The following SLC13A4 variants were observed in gnomAD, a reference collection of about 807,000 sequenced individuals.
The protein encoded by SLC13A4 is solute carrier family 13 member 4.
In SLC13A4, 28 loss-of-function variants were observed where a neutral mutation model predicts 72.7. The ratio of observed to expected loss-of-function variants is 0.39; its 90% CI spans 0.29 to 0.53. The LOEUF is 0.53. Among genes scored for constraint, SLC13A4 ranks in the 20% least tolerant of loss-of-function variants. SLC13A4 has a pLI of 0.78. For synonymous variants in SLC13A4, 312 were observed against 325.5 expected, an observed-to-expected ratio of 0.96 and a Z score of 0.45; for missense variants, 653 against 788.0, an observed-to-expected ratio of 0.83 and a Z score of 2.05.
At chr7:135,714,203 C>G (rs1796365549) in intron 2 of SLC13A4, among the ~76,000 whole-genome samples, 1 of 152,226 alleles carries the variant, frequency 6.6e-6, no homozygotes, top group Non-Finnish European at 1.5e-5. Flanking sequence ...AAAAAACATT[C>G]TTTGCAAATC....
intron 8 of SLC13A4, among the ~76,000 whole-genome samples, chr7:135,697,797 C>A (rs1185648883): frequency 6.6e-6 from 1 of 152,054 alleles, no homozygotes; most frequent in African/African-American, 2.4e-5. Context: ...ATGTGCTCCG[C>A]TGTCCTGCCT....
rs1411950137 is a variant in SLC13A4, at chr7:135,691,638, A to T, written c.1231T>A (p.Tyr411Asn). 3.7e-6 allele frequency: 6 copies of T among 1,610,528 alleles called. No individual in the cohort carries two copies. The highest frequency in any genetic ancestry group is 1.3e-5 in the African/African-American group (1 of 74,954). The change falls in exon 12 of 16, where the codon TAC becomes AAC. Residue 411 changes from tyrosine to asparagine, a missense_variant. Transcript: ENST00000682651. ...GWDSFFEKKG[Y>N]RTDATVSVFL... Reference sequence around the variant, plus strand: ...ACAGAGACTGTGGCATCAGTACGGTAGCCTTTCCTAGTAAAGAGACAAGCA... The same window carrying T: ...ACAGAGACTGTGGCATCAGTACGGTTGCCTTTCCTAGTAAAGAGACAAGCA...
chr7:135,686,876 G>T (rs1252703236), intron 13 of SLC13A4, among the ~76,000 whole-genome samples: 1 of 152,154 alleles, frequency 6.6e-6, no homozygotes, highest in Non-Finnish European at 1.5e-5. Context: ...GGCCAATGTG[G>T]TGAAAGCCCA....
chr7:135,703,940 G>A (rs1281820013), intron 5 of SLC13A4: 1 of 152,310 alleles, frequency 6.6e-6, no homozygotes, highest in Non-Finnish European at 1.5e-5. Flanking sequence ...AGCATGGGAG[G>A]TGGTGGCCGC....
At chr7:135,699,152 G>A (rs532786637) in intron 8 of SLC13A4, among the ~76,000 whole-genome samples, 1 of 152,212 alleles carries the variant, frequency 6.6e-6, no homozygotes, top group Admixed American at 6.5e-5. Flanking sequence ...TGTTGCCCAG[G>A]CTGTTTTTGA....
chr7:135,694,792 AAGTC>A (rs1038857592), intron 9 of SLC13A4, among the ~76,000 whole-genome samples: 20 of 152,222 alleles, frequency 1.3e-4, no homozygotes, highest in African/African-American at 4.1e-4. Context: ...GTAAAAAGAA[AAGTC>A]AGAGAACATT....
chr7:135,704,672 G>A (rs1368040103), intron 5 of SLC13A4: 1 of 152,172 alleles, frequency 6.6e-6, no homozygotes, highest in East Asian at 1.9e-4. Context: ...ATTTGGACTA[G>A]TCTCCCAAAT....
intron 7 of SLC13A4, among the ~76,000 whole-genome samples, chr7:135,700,033 T>C (rs1442078777): frequency 1.3e-5 from 2 of 152,052 alleles, no homozygotes; most frequent in African/African-American, 4.8e-5. Flanking sequence ...TGAATATCTC[T>C]CAAATCTGGC....
intron 13 of SLC13A4, among the ~76,000 whole-genome samples, chr7:135,687,708 G>T (rs975982084): frequency 6.6e-6 from 1 of 152,224 alleles, no homozygotes; most frequent in African/African-American, 2.4e-5. Context: ...TTGGACAGAG[G>T]CAGGGGAGGA....
chr7:135,682,286 C>T (rs1181209457), intron 15 of SLC13A4, among the ~76,000 whole-genome samples: 3 of 152,206 alleles, frequency 2.0e-5, no homozygotes, highest in Non-Finnish European at 1.5e-5. Flanking sequence ...GGGAATTACA[C>T]CTCAGTGACT....
At chr7:135,693,214 G>A (rs1445690692) in intron 10 of SLC13A4, 1 of 151,518 alleles carries the variant, frequency 6.6e-6, no homozygotes, top group Non-Finnish European at 1.5e-5. Context: ...ATATCCAATG[G>A]TATTTCATGA....
chr7:135,719,937 AC>A (rs768217473), intron 2 of SLC13A4, among the ~76,000 whole-genome samples: 8 of 142,170 alleles, frequency 5.6e-5, no homozygotes, highest in Non-Finnish European at 1.2e-4. Context: ...GGGGAGAGAG[AC>A]AGGGGAGGGA....
At chr7:135,693,997 G>A in intron 10 of SLC13A4, 140 bp downstream of exon 10, 1 of 633,494 alleles carries the variant, frequency 1.6e-6, no homozygotes, top group Non-Finnish European at 2.8e-6. Context: ...GCACTAAATA[G>A]CATCTTCTAA....
In SLC13A4 at chr7:135,701,668, C is replaced by A; in HGVS notation, c.714+12G>T. ...ATGTAGGAAACAGAGCTAGAAGGGG[C>A]CGTTCTATTACCTGGGATGGGTGTT... is the stretch of plus-strand genomic sequence containing the variant. On this transcript the variant is annotated intron_variant, in intron 7 of 15. Coordinates refer to ENST00000682651, the MANE Select transcript of SLC13A4 (RefSeq NM_001318192.2). 1 of 1,612,966 alleles carries A rather than the reference C, an allele frequency of 6.2e-7. No homozygotes were observed. The highest frequency in any genetic ancestry group is 2.2e-5 in the East Asian group (1 of 44,848).
At chr7:135,685,771 G>T in intron 13 of SLC13A4, 88 bp from the exon 14 acceptor site, 1 of 1,250,896 alleles carries the variant, frequency 8.0e-7, no homozygotes, top group Non-Finnish European at 1.1e-6. Flanking sequence ...AGGGATGTTG[G>T]AAGGCTGGAC....
intron 10 of SLC13A4, among the ~76,000 whole-genome samples, chr7:135,693,666 A>G (rs1795840543): frequency 6.6e-6 from 1 of 152,212 alleles, no homozygotes; most frequent in African/African-American, 2.4e-5. Flanking sequence ...GAAGTGGCTG[A>G]GGGTTGGTTA....
intron 2 of SLC13A4, among the ~76,000 whole-genome samples, chr7:135,712,962 T>C (rs1796336575): frequency 6.6e-6 from 1 of 152,218 alleles, no homozygotes; most frequent in South Asian, 2.1e-4. Context: ...GAGCCTCTTA[T>C]CGCTCTTGCC....
intron 13 of SLC13A4, among the ~76,000 whole-genome samples, chr7:135,688,238 A>G (rs886248745): frequency 6.6e-6 from 1 of 150,760 alleles, no homozygotes; most frequent in Admixed American, 6.6e-5. Context: ...GGCCTCCCCA[A>G]GTGCTGGGAT....
At chr7:135,696,459 C>T (rs1338563842) in intron 8 of SLC13A4, among the ~76,000 whole-genome samples, 4 of 152,140 alleles carry the variant, frequency 2.6e-5, no homozygotes, top group Non-Finnish European at 5.9e-5. Flanking sequence ...AGCAATTCTG[C>T]TGCCTCAGCC....
Sources: allele counts gnomAD v4.1 joint callset (sites outside exome capture counted in the v4.1 genomes callset), GRCh38; gene constraint gnomAD v4.1.1; transcripts MANE v1.5; gene names NCBI Gene and HGNC (gene_info 2026-07-23, HGNC 2026-07-21).